MYO3A: variants seen among roughly 807,000 people sequenced by gnomAD.
The protein encoded by MYO3A is myosin IIIA.
A neutral mutation model predicts 192.7 loss-of-function variants in MYO3A; 180 were observed. The ratio of observed to expected loss-of-function variants is 0.93; its 90% CI spans 0.83 to 1.06. MYO3A has a LOEUF of 1.06. Ranked by LOEUF, MYO3A falls within the 50% of genes least tolerant of loss-of-function variation. MYO3A has a pLI of 0.00. For synonymous variants in MYO3A, 628 were observed against 645.3 expected, an observed-to-expected ratio of 0.97 and a Z score of 0.41; for missense variants, 1,896 against 1,905.0, an observed-to-expected ratio of 1.00 and a Z score of 0.09.
At chr10:26,096,786 T>C in intron 17 of MYO3A, 104 bp downstream of exon 17, 1 of 799,056 alleles carries the variant, frequency 1.3e-6, no homozygotes, top group Non-Finnish European at 2.1e-6. Context: ...ATAAGTGCTT[T>C]ACATAAATTG....
intron 12 of MYO3A, 30 bp from the exon 13 acceptor site, chr10:26,070,081 C>T (rs756398307): frequency 6.7e-7 from 1 of 1,491,966 alleles, no homozygotes; most frequent in South Asian, 1.2e-5. Context: ...AACAAAAAGC[C>T]CTACAAAATG....
chr10:26,119,300 T>C (rs1328781172), intron 17 of MYO3A, among the ~76,000 whole-genome samples: 1 of 152,144 alleles, frequency 6.6e-6, no homozygotes, highest in African/African-American at 2.4e-5. Context: ...GTTATTTATT[T>C]GCTTATTTTC....
At chr10:26,022,825 GA>G (rs1310330763) in intron 8 of MYO3A, 1 of 152,282 alleles carries the variant, frequency 6.6e-6, no homozygotes, top group African/African-American at 2.4e-5. Flanking sequence ...TGACACTGTT[GA>G]TAGATATTGT....
At chr10:26,150,842 G>A (rs532777547) in intron 23 of MYO3A, among the ~76,000 whole-genome samples, 12 of 151,576 alleles carry the variant, frequency 7.9e-5, no homozygotes, top group African/African-American at 2.9e-4. Flanking sequence ...TTCTTTCTCT[G>A]CTTACTTTGT....
intron 20 of MYO3A, among the ~76,000 whole-genome samples, chr10:26,133,524 G>T (rs1291186211): frequency 6.6e-6 from 1 of 152,160 alleles, no homozygotes; most frequent in Non-Finnish European, 1.5e-5. Context: ...AAGTTTGGTC[G>T]ACACCCTTAA....
Position 25,997,199 on chromosome 10 carries a change from A to G in MYO3A, c.449A>G (p.Asp150Gly). ...HLHNNKTIHR[D>G]VKGNNILLTT... ...CATAACAACAAAACTATCCACAGAG[A>G]TGTGAAAGGCAATAACATTCTATTG... Residue 150 changes from aspartate to glycine, a missense_variant, in exon 6 of 35, where the codon GAT (aspartate) becomes GGT (glycine). Physicochemically the swap from Asp to Gly is moderately conservative, Grantham distance 94. Transcript: ENST00000642920. The G allele has an allele frequency of 6.2e-7, 1 of 1,613,626 alleles. No homozygotes were observed. The highest frequency in any genetic ancestry group is 8.5e-7 in the Non-Finnish European group (1 of 1,179,678).
intron 2 of MYO3A, among the ~76,000 whole-genome samples, chr10:25,942,720 G>A (rs112262830): frequency 1.6e-3 from 243 of 150,930 alleles, no homozygotes; most frequent in African/African-American, 5.1e-3. Context: ...CATTTCATAT[G>A]CTCATTGACC....
intron 1 of MYO3A, among the ~76,000 whole-genome samples, chr10:25,935,307 GCTA>G (rs1436290683): frequency 6.6e-6 from 1 of 152,162 alleles, no homozygotes. Context: ...CTCGCACCTT[GCTA>G]CTATCCCCCT....
chr10:26,107,429 C>T (rs551935745), intron 17 of MYO3A, among the ~76,000 whole-genome samples: 150 of 139,900 alleles, frequency 1.1e-3, no homozygotes, highest in Non-Finnish European at 1.6e-3. Context: ...TGCAACGAGC[C>T]AAGATCACAC....
intron 2 of MYO3A, among the ~76,000 whole-genome samples, chr10:25,944,913 CT>C (rs1258924801): frequency 3.9e-5 from 6 of 152,042 alleles, no homozygotes; most frequent in African/African-American, 1.2e-4. Flanking sequence ...TTATTTCCTA[CT>C]TTTTTTGTCA....
chr10:26,134,207 G>A (rs1254108145), intron 20 of MYO3A, among the ~76,000 whole-genome samples: 2 of 152,026 alleles, frequency 1.3e-5, no homozygotes, highest in Non-Finnish European at 2.9e-5. Context: ...TTAGTAAAAT[G>A]GATGTAAAAT....
chr10:26,073,359 C>T (rs1835329521), intron 14 of MYO3A, among the ~76,000 whole-genome samples: 1 of 152,130 alleles, frequency 6.6e-6, no homozygotes, highest in Non-Finnish European at 1.5e-5. Flanking sequence ...ATCAAGAGGT[C>T]AGGAGTTCAA....
chr10:26,096,049 T>G (rs774785293), intron 15 of MYO3A, among the ~76,000 whole-genome samples: 13 of 152,192 alleles, frequency 8.5e-5, no homozygotes, highest in African/African-American at 2.7e-4. Context: ...ATTCTTTTTC[T>G]GTCTGCTCCA....
intron 10 of MYO3A, among the ~76,000 whole-genome samples, chr10:26,044,458 G>A (rs866752319): frequency 6.6e-6 from 1 of 152,158 alleles, no homozygotes; most frequent in African/African-American, 2.4e-5. Flanking sequence ...TTCTGACCAC[G>A]GGGATGGGCG....
At chr10:26,190,351 C>G (rs1370916633) in intron 31 of MYO3A, among the ~76,000 whole-genome samples, 4 of 152,180 alleles carry the variant, frequency 2.6e-5, no homozygotes, top group African/African-American at 9.7e-5. Context: ...AGAAATAATG[C>G]TGCCATTGAG....
At chr10:26,058,384 T>C (rs12243741) in intron 10 of MYO3A, among the ~76,000 whole-genome samples, 71,889 of 152,050 alleles carry the variant, frequency 0.47, 17,839 homozygotes, top group Middle Eastern at 0.59. Context: ...TACCTATTTC[T>C]TCCTGAAGGA....
chr10:26,159,988 G>T (rs573823755), intron 26 of MYO3A, among the ~76,000 whole-genome samples: 2 of 151,444 alleles, frequency 1.3e-5, no homozygotes, highest in Non-Finnish European at 2.9e-5. Flanking sequence ...ATGAAAGCAG[G>T]TAAACCAAAA....
At chr10:26,170,332 G>A (rs1445761531) in intron 28 of MYO3A, 84 bp from the exon 29 acceptor site, 2 of 1,487,450 alleles carry the variant, frequency 1.3e-6, no homozygotes, top group East Asian at 2.5e-5. Flanking sequence ...GACATCAATG[G>A]TCAAAGCCAC....
At chr10:25,945,748 G>C (rs12264665) in intron 2 of MYO3A, among the ~76,000 whole-genome samples, 12,397 of 152,054 alleles carry the variant, frequency 0.082, 653 homozygotes, top group African/African-American at 0.14. Flanking sequence ...ACATTTAAAA[G>C]ACCAATAGAG....
Sources: gnomAD v4.1 joint callset for allele counts (sites outside exome capture counted in the v4.1 genomes callset) on GRCh38, gnomAD v4.1.1 for gene constraint, MANE v1.5 for transcripts, NCBI Gene and HGNC (gene_info 2026-07-23, HGNC 2026-07-21) for gene names.